The following TRIM9 variants were observed in gnomAD, a reference collection of about 807,000 sequenced individuals.
TRIM9 encodes the protein E3 ubiquitin-protein ligase TRIM9.
TRIM9 carries 26 observed loss-of-function variants against 78.3 expected under a neutral mutation model. The observed-to-expected ratio is 0.33, with a 90% confidence interval of 0.24 to 0.46. The LOEUF is 0.46. Ranked by LOEUF, TRIM9 falls within the 20% of genes least tolerant of loss-of-function variation. TRIM9 has a pLI of 1.00. For missense variants in TRIM9, 787 were observed against 1,036.4 expected (o/e 0.76, Z 3.30); for synonymous variants, 398 against 416.5 (o/e 0.96, Z 0.54).
intron 8 of TRIM9, 133 bp from the exon 9 acceptor site, chr14:50,983,554 T>C (rs549548828): frequency 3.9e-6 from 2 of 515,516 alleles, no homozygotes; most frequent in South Asian, 6.3e-5. Flanking sequence ...AAGCCCTTTT[T>C]ATATTATTTA....
chr14:51,056,276 T>C (rs2060890855), intron 1 of TRIM9, among the ~76,000 whole-genome samples: 1 of 152,230 alleles, frequency 6.6e-6, no homozygotes, highest in Non-Finnish European at 1.5e-5. Context: ...ATGAAAAATA[T>C]TAATTGGTAT....
chr14:51,038,781 G>A (rs182198299), intron 1 of TRIM9, among the ~76,000 whole-genome samples: 5 of 152,240 alleles, frequency 3.3e-5, no homozygotes, highest in East Asian at 3.9e-4. Context: ...CCGTCAGTCT[G>A]GAATCAACTA....
At chr14:51,033,931 C>G (rs2058935828) in intron 1 of TRIM9, among the ~76,000 whole-genome samples, 1 of 152,094 alleles carries the variant, frequency 6.6e-6, no homozygotes, top group African/African-American at 2.4e-5. Flanking sequence ...AGAATATACC[C>G]ATTGAATGTT....
intron 5 of TRIM9, among the ~76,000 whole-genome samples, chr14:51,002,866 G>C (rs1224226019): frequency 6.6e-6 from 1 of 152,192 alleles, no homozygotes; most frequent in South Asian, 2.1e-4. Context: ...ATTAGTGCCT[G>C]TTAAAACTGC....
rs1010537699 is a variant in TRIM9 at position 51,027,137 on chromosome 14, T to A, written c.823-1777A>T. 1.5e-3 allele frequency among the ~76,000 whole-genome samples: 34 copies of A among 22,336 alleles called. No individual in the cohort carries two copies. In the African/African-American group the frequency reaches 0.021, roughly 14 times the overall value. The allele number at this position is 22,336 out of a possible 152,430, so 14.7% of individuals were successfully genotyped here. A position where few individuals can be genotyped will look rare whatever the true frequency, so the allele number is the denominator to read the frequency against. The stretch of plus-strand genomic sequence containing the variant: ...TAATAAATGCTGGCTGTTAACTTTT[T>A]TTTTTTTTTTTTTTTTTTTTTTTTG... On this transcript the variant is annotated intron_variant, in intron 1 of 12. Transcript: ENST00000684578.
intron 6 of TRIM9, 132 bp from the exon 7 acceptor site, chr14:50,998,320 T>G: frequency 2.4e-6 from 2 of 842,116 alleles, no homozygotes; most frequent in Non-Finnish European, 3.7e-6. Context: ...CTGTGAGATA[T>G]TGGGCCATTT....
chr14:50,977,242 C>G lies in TRIM9; in HGVS notation c.*49G>C, dbSNP rs1288449203. On this transcript the variant is annotated 3_prime_UTR_variant, in exon 13 of 13. Transcript: ENST00000684578. Reference sequence around the variant, plus strand: ...GCTGGCTGAGCTCCTTGCTGTGGCTCTCGCAGGCGGAGGTAAGAACAGGCA... The same window carrying G: ...GCTGGCTGAGCTCCTTGCTGTGGCTGTCGCAGGCGGAGGTAAGAACAGGCA... The G allele has an allele frequency of 1.4e-6, 2 of 1,395,404 alleles. No individual in the cohort carries two copies. The highest frequency in any genetic ancestry group is 1.9e-6 in the Non-Finnish European group (2 of 1,059,270). 86.4% of individuals were successfully genotyped at this position (1,395,404 alleles called of 1,614,324 possible). A position where few individuals can be genotyped will look rare whatever the true frequency, so the allele number is the denominator to read the frequency against.
chr14:50,987,102 T>C (rs1251235499), intron 7 of TRIM9, among the ~76,000 whole-genome samples: 1 of 152,210 alleles, frequency 6.6e-6, no homozygotes, highest in African/African-American at 2.4e-5. Context: ...CTAATAGCAA[T>C]AATTTAGGAA....
chr14:51,010,181 G>A (rs1179563371), intron 4 of TRIM9, among the ~76,000 whole-genome samples: 1 of 152,026 alleles, frequency 6.6e-6, no homozygotes, highest in Admixed American at 6.6e-5. Flanking sequence ...TCTCAGACTT[G>A]TAGTACATGG....
intron 1 of TRIM9, among the ~76,000 whole-genome samples, chr14:51,059,681 C>G (rs557232970): frequency 2.6e-4 from 39 of 151,966 alleles, no homozygotes; most frequent in East Asian, 1.9e-3. Context: ...ACCTGCAGTC[C>G]TAGCTACTTG....
intron 3 of TRIM9, among the ~76,000 whole-genome samples, chr14:51,012,995 C>T (rs1280378908): frequency 6.6e-6 from 1 of 152,102 alleles, no homozygotes; most frequent in Non-Finnish European, 1.5e-5. Flanking sequence ...GGGTGGGTTG[C>T]CTTTTCACTC....
intron 1 of TRIM9, among the ~76,000 whole-genome samples, chr14:51,054,625 G>C (rs1007367685): frequency 6.6e-6 from 1 of 151,928 alleles, no homozygotes; most frequent in Non-Finnish European, 1.5e-5. Context: ...CTGTCGCCAA[G>C]TTGGAGTGCA....
chr14:50,996,603 C>T (rs1401632085), intron 7 of TRIM9: 7 of 985,346 alleles, frequency 7.1e-6, no homozygotes, highest in African/African-American at 3.5e-5. Context: ...CTTGTACACA[C>T]ATGGGAAATG....
chr14:51,054,210 T>C (rs1000844403), intron 1 of TRIM9, among the ~76,000 whole-genome samples: 2 of 151,890 alleles, frequency 1.3e-5, no homozygotes, highest in African/African-American at 4.8e-5. Context: ...TATAGGTGTA[T>C]TGCACCACGC....
At chr14:51,002,760 G>C (rs927261639) in intron 5 of TRIM9, among the ~76,000 whole-genome samples, 2 of 152,182 alleles carry the variant, frequency 1.3e-5, no homozygotes, top group African/African-American at 4.8e-5. Flanking sequence ...AAATGAGAAG[G>C]TGAAGCCGGT....
At chr14:51,086,582 T>C (rs912114227) in intron 1 of TRIM9, among the ~76,000 whole-genome samples, 7 of 152,218 alleles carry the variant, frequency 4.6e-5, no homozygotes, top group Admixed American at 4.6e-4. Flanking sequence ...TAAAAGAAGA[T>C]AGATAAGAAA....
intron 3 of TRIM9, among the ~76,000 whole-genome samples, chr14:51,018,365 C>CCTTT (rs1047946297): frequency 3.3e-5 from 5 of 151,624 alleles, no homozygotes; most frequent in African/African-American, 7.3e-5. Context: ...CTCCCTCCCC[C>CCTTT]CTTTCTTTCT....
At chr14:51,065,274 G>A (rs1219399351) in intron 1 of TRIM9, among the ~76,000 whole-genome samples, 5 of 152,172 alleles carry the variant, frequency 3.3e-5, no homozygotes, top group Non-Finnish European at 4.4e-5. Flanking sequence ...CTTTGAAACC[G>A]CTGAATGTCA....
intron 1 of TRIM9, among the ~76,000 whole-genome samples, chr14:51,034,025 T>C (rs550363261): frequency 2.0e-5 from 3 of 152,378 alleles, no homozygotes; most frequent in South Asian, 4.1e-4. Flanking sequence ...CTAGATGCTC[T>C]GACCATAATC....
Sources: allele counts gnomAD v4.1 joint callset (sites outside exome capture counted in the v4.1 genomes callset), GRCh38; gene constraint gnomAD v4.1.1; transcripts MANE v1.5; gene names NCBI Gene and HGNC (gene_info 2026-07-23, HGNC 2026-07-21).